Variants in HMGXB4 observed in about 807,000 individuals in gnomAD.
HMGXB4 encodes the protein HMG-box containing 4, also known as HMG domain-containing protein 4.
In HMGXB4, 27 loss-of-function variants were observed where a neutral mutation model predicts 63.9. The observed-to-expected ratio is 0.42, with a 90% CI of 0.31 to 0.58. The LOEUF (loss-of-function observed/expected upper bound fraction) is 0.58. HMGXB4 is among the 20% of genes least tolerant of loss of function. The pLI is 0.13. For missense variants in HMGXB4, 624 were observed against 700.7 expected (o/e 0.89, Z 1.24); for synonymous variants, 264 against 265.3 (o/e 0.99, Z 0.05).
chr22:35,278,038 G>C (rs1004965005), intron 5 of HMGXB4, among the ~76,000 whole-genome samples: 3 of 152,162 alleles, frequency 2.0e-5, no homozygotes, highest in Non-Finnish European at 4.4e-5. Flanking sequence ...GGCAGCCACT[G>C]ACCTTTTTAT....
chr22:35,273,794 A>G (rs1212936349), intron 5 of HMGXB4, among the ~76,000 whole-genome samples: 1 of 152,208 alleles, frequency 6.6e-6, no homozygotes, highest in African/African-American at 2.4e-5. Flanking sequence ...TATAAAACCT[A>G]CAGCTCATTG....
upstream of HMGXB4, among the ~76,000 whole-genome samples, chr22:35,254,418 A>G (rs921630269): frequency 1.3e-5 from 2 of 152,258 alleles, no homozygotes; most frequent in African/African-American, 4.8e-5. Context: ...AATACATTCA[A>G]GGAACTATGA....
upstream of HMGXB4, among the ~76,000 whole-genome samples, chr22:35,253,144 A>AAAAAAAAAAAAAAAAAAAAAG (rs11282400): frequency 1.3e-4 from 16 of 125,356 alleles, no homozygotes; most frequent in African/African-American, 4.0e-4. Context: ...AAAAAAAAAA[A>AAAAAAAAAAAAAAAAAAAAAG]AAAAAAGAAA....
intron 2 of HMGXB4, 77 bp from the exon 3 acceptor site, chr22:35,263,001 C>A: frequency 7.6e-7 from 1 of 1,313,556 alleles, no homozygotes; most frequent in Non-Finnish European, 1.1e-6. Flanking sequence ...GGAACTGTTG[C>A]ATTACCTGCA....
intron 5 of HMGXB4, among the ~76,000 whole-genome samples, chr22:35,266,404 G>A (rs1227202186): frequency 6.6e-6 from 1 of 152,156 alleles, no homozygotes; most frequent in African/African-American, 2.4e-5. Flanking sequence ...TACTGTCTGA[G>A]TGCTTGCTGT....
the HMGXB4 span, among the ~76,000 whole-genome samples, chr22:35,242,371 T>G: frequency 6.6e-6 from 1 of 152,220 alleles, no homozygotes; most frequent in Admixed American, 6.5e-5. Context: ...GATCTATTTG[T>G]GGTATTAAAT....
At chr22:35,263,314 T>C (rs79182843) in intron 3 of HMGXB4, 88 bp downstream of exon 3, 2 of 1,066,906 alleles carry the variant, frequency 1.9e-6, no homozygotes, top group Admixed American at 2.6e-5. Flanking sequence ...TTTTTTTTTT[T>C]CTCTCATGGC....
At chr22:35,289,870 A>C (rs565508329) in intron 9 of HMGXB4, among the ~76,000 whole-genome samples, 12 of 152,262 alleles carry the variant, frequency 7.9e-5, no homozygotes, top group Non-Finnish European at 1.6e-4. Flanking sequence ...AAGACATTTC[A>C]GCAAAGAAGT....
chr22:35,269,414 C>T (rs762200514), intron 5 of HMGXB4, among the ~76,000 whole-genome samples: 22 of 152,186 alleles, frequency 1.4e-4, no homozygotes, highest in Non-Finnish European at 5.9e-5. Context: ...GAAGGGGCTA[C>T]ACCCAATTTC....
chr22:35,275,785 T>A (rs1923879859), intron 5 of HMGXB4, among the ~76,000 whole-genome samples: 1 of 152,236 alleles, frequency 6.6e-6, no homozygotes, highest in South Asian at 2.1e-4. Flanking sequence ...GTGACATACC[T>A]CATCAAATAT....
intron 5 of HMGXB4, among the ~76,000 whole-genome samples, chr22:35,275,879 A>C (rs78467305): frequency 0.027 from 4,094 of 152,314 alleles, 75 homozygotes; most frequent in Non-Finnish European, 0.045. Flanking sequence ...TTTGCTACTA[A>C]TAATAAAGTA....
chr22:35,283,606 A>G (rs556267255), intron 5 of HMGXB4, among the ~76,000 whole-genome samples: 4 of 152,268 alleles, frequency 2.6e-5, no homozygotes, highest in East Asian at 3.9e-4. Context: ...CCTGGCCAAC[A>G]TGGTGAAACC....
upstream of HMGXB4, chr22:35,257,471 C>T (rs1922482462): frequency 6.5e-6 from 1 of 152,772 alleles, no homozygotes; most frequent in South Asian, 2.1e-4. Flanking sequence ...TCGACTGAGG[C>T]TCCCTGGCCG....
chr22:35,247,793 T>C, the HMGXB4 span, among the ~76,000 whole-genome samples: 2 of 152,182 alleles, frequency 1.3e-5, no homozygotes, highest in Admixed American at 6.5e-5. Flanking sequence ...AGGGGAAATC[T>C]GGTCCCTGTT....
chr22:35,273,543 G>A (rs893268498), intron 5 of HMGXB4, among the ~76,000 whole-genome samples: 3 of 152,136 alleles, frequency 2.0e-5, no homozygotes, highest in Non-Finnish European at 2.9e-5. Flanking sequence ...AGTTACTTTC[G>A]CTTACGTCTT....
At chr22:35,284,219 T>TA (rs1245368670) in intron 6 of HMGXB4, among the ~76,000 whole-genome samples, 176 bp downstream of exon 6, 1 of 152,250 alleles carries the variant, frequency 6.6e-6, no homozygotes, top group African/African-American at 2.4e-5. Flanking sequence ...GAACTTTCTA[T>TA]ACATATCTCT....
chr22:35,267,714 A>C (rs1028938237), intron 5 of HMGXB4, among the ~76,000 whole-genome samples: 3 of 152,112 alleles, frequency 2.0e-5, no homozygotes, highest in Non-Finnish European at 4.4e-5. Flanking sequence ...TTTATTATGA[A>C]ATTTTTCAGA....
intron 10 of HMGXB4, among the ~76,000 whole-genome samples, chr22:35,293,392 C>T (rs1419354595): frequency 1.3e-5 from 2 of 152,242 alleles, no homozygotes; most frequent in Non-Finnish European, 2.9e-5. Context: ...CACCCAAAGA[C>T]AGTACAGGAA....
chr22:35,263,158 A>G lies in HMGXB4; in HGVS notation c.112A>G (p.Lys38Glu). The G allele has an allele frequency of 6.2e-7, 1 of 1,614,098 alleles. No individual in the cohort carries two copies. Among genetic ancestry groups the G allele is most frequent in the Non-Finnish European group, 8.5e-7 (1 of 1,179,950 alleles). ...RSQREKKRSY[K>E]DFLREEEEIA... ...CCAACGAGAGAAAAAACGTTCTTACAAAGATTTTTTAAGGGAAGAGGAAGA... is the reference window on the plus strand; with the variant it reads ...CCAACGAGAGAAAAAACGTTCTTACGAAGATTTTTTAAGGGAAGAGGAAGA... The change falls in exon 3 of 11, where the codon AAA becomes GAA. Residue 38 changes from lysine (K) to glutamate (E), a missense_variant. Coordinates refer to ENST00000216106, the MANE Select transcript of HMGXB4 (RefSeq NM_001003681.3).
Sources: allele counts gnomAD v4.1 joint callset (sites outside exome capture counted in the v4.1 genomes callset), GRCh38; gene constraint gnomAD v4.1.1; transcripts MANE v1.5; gene names NCBI Gene and HGNC (gene_info 2026-07-23, HGNC 2026-07-21).